Variants in MID1 observed in about 807,000 individuals in gnomAD.
MID1 encodes the protein midline 1, also known as E3 ubiquitin-protein ligase Midline-1.
Under a neutral mutation model 40.4 loss-of-function variants are expected in MID1, and 7 were observed. That is an observed-to-expected ratio of 0.17 (90% CI 0.10 to 0.33). The LOEUF is 0.33. MID1 is among the 10% of genes least tolerant of loss of function. The pLI is 1.00. For synonymous variants in MID1, 229 were observed against 221.2 expected, an observed-to-expected ratio of 1.04 and a Z score of -0.31; for missense variants, 367 against 558.5, an observed-to-expected ratio of 0.66 and a Z score of 3.46.
chrX:10,715,884 C>G (rs1350039901), intron 1 of MID1, among the ~76,000 whole-genome samples: 1 of 111,539 alleles, frequency 9.0e-6, no homozygotes, highest in African/African-American at 3.3e-5. Context: ...ATTTGCTGTT[C>G]ACCAATATCC....
At chrX:10,749,626 T>C (rs867436249) in intron 1 of MID1, among the ~76,000 whole-genome samples, 13 of 111,893 alleles carry the variant, frequency 1.2e-4, no homozygotes, top group Middle Eastern at 4.6e-3. Context: ...ACAGAAAGCA[T>C]GGTGCCGATG....
chrX:10,687,167 A>G (rs1260971266), intron 1 of MID1, among the ~76,000 whole-genome samples: 3 of 112,007 alleles, frequency 2.7e-5, no homozygotes, highest in Non-Finnish European at 5.6e-5. Flanking sequence ...AGAGGTAGGA[A>G]GGACCAAGTA....
rs181928785 is a variant in MID1 at position 10,800,108 on chromosome X, T to C, written c.-187+33446A>G. On this transcript the variant is annotated intron_variant, in intron 1 of 10. Coordinates refer to the MID1 transcript ENST00000380785. ...CCCCTTAAGTAACTTGCTTCTAACT[T>C]ATAGGACATGGCAACATTGAGGGGA... Among the ~76,000 whole-genome samples the C allele has an allele frequency of 1.0e-3, 116 of 111,486 alleles. 1 individual carries two copies. The East Asian group carries it at 0.022, about 21-fold the overall frequency.
intron 1 of MID1, among the ~76,000 whole-genome samples, chrX:10,586,762 C>G (rs1935151131): frequency 8.9e-6 from 1 of 112,531 alleles, no homozygotes; most frequent in Non-Finnish European, 1.9e-5. Context: ...TGCAGGCCAG[C>G]CTTTGGAAAC....
intron 1 of MID1, among the ~76,000 whole-genome samples, chrX:10,684,353 C>CTCTT (rs755964336): frequency 1.9e-5 from 2 of 104,867 alleles, no homozygotes; most frequent in Middle Eastern, 4.8e-3. Flanking sequence ...CTTGCTTTCT[C>CTCTT]TCTTTCTTTC....
In MID1 at chrX:10,446,505, G is replaced by C. The variant is rs1268604506; in HGVS notation, c.*2863C>G. 8.9e-6 allele frequency: 1 copy of C among 112,061 alleles called. No individual in the cohort carries two copies. The highest frequency in any genetic ancestry group is 1.9e-5 in the Non-Finnish European group (1 of 53,252). 9.2% of individuals were successfully genotyped at this position (112,061 alleles called of 1,213,427 possible). The stretch of plus-strand genomic sequence containing the variant: ...AGTCACTTTCTTTTAAAGCTGGAAA[G>C]AATCTTCACCCAGGCCCACCCTCAT... On this transcript the variant is annotated 3_prime_UTR_variant, in exon 10 of 10. Coordinates refer to ENST00000317552, the MANE Select transcript of MID1 (RefSeq NM_000381.4).
chrX:10,679,353 A>C (rs2043043490), intron 1 of MID1, among the ~76,000 whole-genome samples: 1 of 111,460 alleles, frequency 9.0e-6, no homozygotes, highest in African/African-American at 3.3e-5. Flanking sequence ...GAATCTAATA[A>C]AGATAGTTTC....
chrX:10,461,083 A>AATATATATATATATATAT (rs35175429), intron 7 of MID1, among the ~76,000 whole-genome samples: 22 of 99,353 alleles, frequency 2.2e-4, no homozygotes, highest in African/African-American at 6.9e-4. Flanking sequence ...CAGTGAATTA[A>AATATATATATATATATAT]ATATATATAT....
At chrX:10,601,292 C>T (rs933825596) in intron 1 of MID1, among the ~76,000 whole-genome samples, 2 of 111,794 alleles carry the variant, frequency 1.8e-5, no homozygotes, top group Non-Finnish European at 3.8e-5. Context: ...GACCACAGGC[C>T]GCCTATGTAC....
chrX:10,675,096 A>G (rs1170103297), intron 1 of MID1, among the ~76,000 whole-genome samples: 1 of 112,284 alleles, frequency 8.9e-6, no homozygotes, highest in Non-Finnish European at 1.9e-5. Context: ...TAAGCACATC[A>G]TCTTAAGACT....
At chrX:10,694,870 T>C (rs1435762364) in intron 1 of MID1, among the ~76,000 whole-genome samples, 1 of 112,000 alleles carries the variant, frequency 8.9e-6, no homozygotes, top group Non-Finnish European at 1.9e-5. Context: ...TGGCCCTTGG[T>C]CATTCCTGGG....
intron 1 of MID1, among the ~76,000 whole-genome samples, chrX:10,665,060 A>G (rs759879594): frequency 6.8e-4 from 76 of 112,239 alleles, no homozygotes; most frequent in Non-Finnish European, 1.3e-3. Context: ...GAGATTCACA[A>G]CATCATCCTT....
At chrX:10,766,708 C>A (rs1021667950) in intron 1 of MID1, among the ~76,000 whole-genome samples, 2 of 110,362 alleles carry the variant, frequency 1.8e-5, no homozygotes, top group Non-Finnish European at 3.8e-5. Flanking sequence ...TCATTTGAGG[C>A]CAGGAACTTG....
In MID1 at chrX:10,620,454, T is replaced by C. The variant is rs781741222; in HGVS notation, c.-221A>G. The C allele has an allele frequency of 1.8e-5, 2 of 112,972 alleles. No individual in the cohort carries two copies. The highest frequency in any genetic ancestry group is 1.9e-5 in the Non-Finnish European group (1 of 53,299). The allele number at this position is 112,972 out of a possible 1,213,427, so 9.3% of individuals were successfully genotyped here. On this transcript the variant is annotated 5_prime_UTR_variant, in exon 1 of 10. Coordinates refer to ENST00000317552, the MANE Select transcript of MID1 (RefSeq NM_000381.4). ...GCAAAGAGCACGTTTTCGTCCTCTT[T>C]TTCTTTGATCTGTTGCTACACGCAC...
At chrX:10,468,962 A>G (rs927416274) in intron 7 of MID1, among the ~76,000 whole-genome samples, 1 of 112,589 alleles carries the variant, frequency 8.9e-6, no homozygotes, top group Non-Finnish European at 1.9e-5. Context: ...TAAAATGACT[A>G]AAGCATGTAA....
chrX:10,579,559 T>C (rs1934956504), intron 1 of MID1, among the ~76,000 whole-genome samples: 1 of 111,763 alleles, frequency 8.9e-6, no homozygotes, highest in East Asian at 2.8e-4. Flanking sequence ...TGTGAGCAGA[T>C]TGGAAATTCT....
chrX:10,675,829 A>G (rs1194074870), intron 1 of MID1, among the ~76,000 whole-genome samples: 1 of 111,616 alleles, frequency 9.0e-6, no homozygotes, highest in Non-Finnish European at 1.9e-5. Context: ...GTTGAAGGAA[A>G]CGTGTACCTA....
intron 1 of MID1, among the ~76,000 whole-genome samples, chrX:10,642,264 A>T (rs1297532996): frequency 4.1e-4 from 41 of 100,453 alleles, no homozygotes; most frequent in East Asian, 1.3e-3. Flanking sequence ...ATATTTAGAA[A>T]ATCCCATCGT....
In MID1 at chrX:10,567,396, A is replaced by T; in HGVS notation, c.152T>A (p.Ile51Asn). The T allele has an allele frequency of 3.3e-6, 4 of 1,205,980 alleles. No individual in the cohort carries two copies. Among genetic ancestry groups the T allele is most frequent in the Non-Finnish European group, 4.5e-6 (4 of 891,591 alleles). Residue 51 changes from isoleucine to asparagine, a missense_variant, in exon 2 of 10, where the codon ATC (isoleucine) becomes AAC (asparagine). Around this residue, in one of 3 missense-constraint regions of MID1, gnomAD observed 78 missense variants for 112.6 expected, o/e 0.69. Coordinates refer to ENST00000317552, the MANE Select transcript of MID1 (RefSeq NM_000381.4). ...GCAGGTGGGGCACTGGAAGGCGGTG[A>T]TGGACTCCACAGACTCGTTGGTGGC... is the stretch of plus-strand genomic sequence containing the variant. ...HCATNESVES[I>N]TAFQCPTCRH...
Sources: allele counts gnomAD v4.1 joint callset (sites outside exome capture counted in the v4.1 genomes callset), GRCh38; gene constraint gnomAD v4.1.1; regional missense constraint gnomAD v4.1.1; transcripts MANE v1.5; gene names NCBI Gene and HGNC (gene_info 2026-07-23, HGNC 2026-07-21).